SCHIP1: variants seen among roughly 807,000 people sequenced by gnomAD.
SCHIP1 encodes schwannomin-interacting protein 1.
SCHIP1 carries 8 observed loss-of-function variants against 29.7 expected under a neutral mutation model. That is an observed-to-expected ratio of 0.27 (90% CI 0.16 to 0.49). The LOEUF (loss-of-function observed/expected upper bound fraction) is 0.49, where lower values mean the gene tolerates loss of function less well. Ranked by LOEUF, SCHIP1 falls within the 20% of genes least tolerant of loss-of-function variation. SCHIP1 has a pLI of 0.99. For synonymous variants in SCHIP1, 76 were observed against 94.9 expected (o/e 0.80, Z 1.16); for missense variants, 193 against 294.6 (o/e 0.66, Z 2.52).
At chr3:159,601,753 T>C in the SCHIP1 span, among the ~76,000 whole-genome samples, 1 of 152,232 alleles carries the variant, frequency 6.6e-6, no homozygotes, top group East Asian at 1.9e-4. Context: ...TGCATTGCAC[T>C]GTCCTTTTCC....
At chr3:159,396,288 C>T in the SCHIP1 span, among the ~76,000 whole-genome samples, 46 of 151,330 alleles carry the variant, frequency 3.0e-4, no homozygotes, top group East Asian at 7.7e-4. Flanking sequence ...TGCCAGTCTG[C>T]GTCTTTTAAT....
chr3:159,557,575 G>C, the SCHIP1 span, among the ~76,000 whole-genome samples: 1 of 152,160 alleles, frequency 6.6e-6, no homozygotes, highest in African/African-American at 2.4e-5. Context: ...CATCGTGTTG[G>C]GAGGCCAAGG....
At chr3:159,432,321 TGTGTGTGTGTGTGTGTGTGAGA>T in the SCHIP1 span, among the ~76,000 whole-genome samples, 2 of 103,460 alleles carry the variant, frequency 1.9e-5, no homozygotes, top group Admixed American at 1.0e-4. Flanking sequence ...TGTGTGTGTG[TGTGTGTGTGTGTGTGTGTGAGA>T]GAGAGAGAGA....
At chr3:159,285,682 A>T in the SCHIP1 span, among the ~76,000 whole-genome samples, 1 of 152,124 alleles carries the variant, frequency 6.6e-6, no homozygotes, top group East Asian at 1.9e-4. Context: ...GTTGGTAGTT[A>T]ATTACAGATG....
chr3:159,685,097 A>G, the SCHIP1 span, among the ~76,000 whole-genome samples: 2 of 152,106 alleles, frequency 1.3e-5, no homozygotes, highest in African/African-American at 4.8e-5. Context: ...TTGACCCACC[A>G]CTATGTACCA....
chr3:159,281,845 T>C, the SCHIP1 span, among the ~76,000 whole-genome samples: 1 of 152,178 alleles, frequency 6.6e-6, no homozygotes, highest in Non-Finnish European at 1.5e-5. Flanking sequence ...TATCTCACCA[T>C]TAATCCAACA....
the SCHIP1 span, among the ~76,000 whole-genome samples, chr3:159,794,070 C>A: frequency 6.6e-6 from 1 of 152,158 alleles, no homozygotes; most frequent in Non-Finnish European, 1.5e-5. Flanking sequence ...TCTATGGAGT[C>A]CCTTTTGCCA....
At chr3:159,432,294 G>A in the SCHIP1 span, among the ~76,000 whole-genome samples, 4 of 44,422 alleles carry the variant, frequency 9.0e-5, no homozygotes, top group African/African-American at 5.2e-4. Context: ...TGATGTGTGT[G>A]TGTGTGTGTG....
At chr3:159,689,087 T>A in the SCHIP1 span, among the ~76,000 whole-genome samples, 765 of 152,320 alleles carry the variant, frequency 5.0e-3, 9 homozygotes, top group Admixed American at 0.024. Flanking sequence ...ATGGGCTCCT[T>A]TTTGGTTCCA....
chr3:159,887,571 C>G, intron 3 of SCHIP1, 137 bp from the exon 5 acceptor site: 4 of 909,546 alleles, frequency 4.4e-6, no homozygotes, highest in Non-Finnish European at 6.8e-6. Flanking sequence ...GATTTATCAA[C>G]TCAAGTAGCA....
chr3:159,870,260 G>A (rs192806149), intron 2 of SCHIP1, among the ~76,000 whole-genome samples: 1 of 151,942 alleles, frequency 6.6e-6, no homozygotes, highest in East Asian at 1.9e-4. Flanking sequence ...AATACAGTGA[G>A]GATTAGAAAT....
chr3:159,461,615 G>A, the SCHIP1 span, among the ~76,000 whole-genome samples: 16 of 148,472 alleles, frequency 1.1e-4, no homozygotes, highest in African/African-American at 3.7e-4. Flanking sequence ...TCACTCTGTC[G>A]CCCAGGCTGG....
the SCHIP1 span, among the ~76,000 whole-genome samples, chr3:159,485,528 T>C: frequency 6.6e-6 from 1 of 152,144 alleles, no homozygotes; most frequent in East Asian, 1.9e-4. Flanking sequence ...TTCTCCTAGG[T>C]AAAATAGGAG....
chr3:159,541,613 A>T, the SCHIP1 span, among the ~76,000 whole-genome samples: 2 of 152,154 alleles, frequency 1.3e-5, no homozygotes, highest in East Asian at 1.9e-4. Context: ...GGGGAGGAAG[A>T]GGAGGGAGAC....
At chr3:159,292,177 G>T in the SCHIP1 span, among the ~76,000 whole-genome samples, 1 of 152,012 alleles carries the variant, frequency 6.6e-6, no homozygotes, top group Non-Finnish European at 1.5e-5. Context: ...TTTAAAAATA[G>T]TTGAGAAGGA....
At chr3:159,888,078 T>G in intron 4 of SCHIP1, 173 bp downstream of exon 5, 1 of 896,952 alleles carries the variant, frequency 1.1e-6, no homozygotes, top group Non-Finnish European at 1.7e-6. Flanking sequence ...ACTGTAGGAC[T>G]GAAAAATACA....
the SCHIP1 span, among the ~76,000 whole-genome samples, chr3:159,559,063 A>C: frequency 6.6e-6 from 1 of 152,212 alleles, no homozygotes; most frequent in African/African-American, 2.4e-5. Context: ...CCCAGAAGGA[A>C]TGAACAAAGG....
chr3:159,413,034 C>T, the SCHIP1 span, among the ~76,000 whole-genome samples: 3 of 152,190 alleles, frequency 2.0e-5, no homozygotes, highest in African/African-American at 4.8e-5. Context: ...GGGAAGCAAA[C>T]ATGTCCTTCT....
chr3:159,762,396 GCAC>G, the SCHIP1 span, among the ~76,000 whole-genome samples: 1 of 152,126 alleles, frequency 6.6e-6, no homozygotes, highest in South Asian at 2.1e-4. Context: ...AAGGATCTCA[GCAC>G]CACATCCCAC....
Sources: gnomAD v4.1 joint callset for allele counts (sites outside exome capture counted in the v4.1 genomes callset) on GRCh38, gnomAD v4.1.1 for gene constraint, MANE v1.5 for transcripts, NCBI Gene and HGNC (gene_info 2026-07-23, HGNC 2026-07-21) for gene names.